The following DMD variants were observed in gnomAD, a reference collection of about 807,000 sequenced individuals.
The protein encoded by DMD is dystrophin.
A neutral mutation model predicts 330.1 loss-of-function variants in DMD; 63 were observed. That is an observed-to-expected ratio of 0.19 (90% CI 0.16 to 0.24). DMD has a LOEUF of 0.24. DMD is among the 10% of genes least tolerant of loss of function. The probability of loss-of-function intolerance (pLI) is 1.00; values close to 1 mark genes in which losing one functional copy is unlikely to be tolerated. For synonymous variants in DMD, 1,223 were observed against 959.8 expected (o/e 1.27, Z -5.07); for missense variants, 3,344 against 2,684.1 (o/e 1.25, Z -5.43).
rs1050273868 is a variant in DMD, at chrX:31,512,909, T to A, written c.8218-5456A>T. Among the ~76,000 whole-genome samples, 4 of 108,784 alleles carry A rather than the reference T, an allele frequency of 3.7e-5. No homozygotes were observed. The Admixed American group carries it at 4.0e-4, about 11-fold the overall frequency. The allele number at this position is 108,784 out of a possible 115,157, so 94.5% of individuals were successfully genotyped here. A position where few individuals can be genotyped will look rare whatever the true frequency, so the allele number is the denominator to read the frequency against. ...AGCTTGATGGGGATGGCATTGAATC[T>A]GTAAATCACCTTGGGCAGTATGGCC... On this transcript the variant is annotated intron_variant, in intron 55 of 78. Coordinates refer to ENST00000357033, the MANE Select transcript of DMD (RefSeq NM_004006.3).
At chrX:31,522,697 TG>T (rs1172015641) in intron 55 of DMD, among the ~76,000 whole-genome samples, 1 of 109,717 alleles carries the variant, frequency 9.1e-6, no homozygotes, top group East Asian at 2.9e-4. Context: ...GAGAAGAAGA[TG>T]GGGGTGATAA....
At chrX:31,499,197 T>C (rs775595444) in intron 56 of DMD, among the ~76,000 whole-genome samples, 97 of 111,438 alleles carry the variant, frequency 8.7e-4, no homozygotes, top group African/African-American at 2.4e-3. Flanking sequence ...CTAGGATACA[T>C]TGGGGAGTAG....
intron 44 of DMD, among the ~76,000 whole-genome samples, chrX:32,083,829 C>T (rs1323132034): frequency 8.9e-6 from 1 of 112,651 alleles, no homozygotes; most frequent in Admixed American, 9.4e-5. Flanking sequence ...CTGTTCTAGC[C>T]TGCTCTTCTG....
At chrX:31,622,846 TTATATA>T (rs757102035) in intron 55 of DMD, among the ~76,000 whole-genome samples, 5,309 of 74,106 alleles carry the variant, frequency 0.072, 241 homozygotes, top group Admixed American at 0.18. Flanking sequence ...CAGAAAAATT[TTATATA>T]TATATATATA....
In DMD at chrX:31,223,128, A is replaced by G; in HGVS notation, c.9287-7T>C. ...CTGACATTATTCAGGTCAGCTGAAA[A>G]GAGGGAAAACAAAGAGCATTTGTTA... On this transcript the variant is annotated splice_polypyrimidine_tract_variant and splice_region_variant and intron_variant, in intron 63 of 78. Coordinates refer to ENST00000357033, the MANE Select transcript of DMD (RefSeq NM_004006.3). The G allele has an allele frequency of 8.3e-7, 1 of 1,205,235 alleles. No individual in the cohort carries two copies. The highest frequency in any genetic ancestry group is 1.1e-6 in the Non-Finnish European group (1 of 889,454).
intron 2 of DMD, among the ~76,000 whole-genome samples, chrX:32,922,124 G>A (rs748161038): frequency 9.1e-6 from 1 of 110,291 alleles, no homozygotes; most frequent in East Asian, 2.9e-4. Flanking sequence ...CTCCCCCAAA[G>A]GACTGAAACT....
chrX:32,825,262 T>C (rs2078604896), intron 4 of DMD, among the ~76,000 whole-genome samples: 1 of 111,266 alleles, frequency 9.0e-6, no homozygotes, highest in Non-Finnish European at 1.9e-5. Context: ...GAGACTTAGA[T>C]CAAGTAATAG....
chrX:31,839,543 G>A (rs990162477), intron 48 of DMD, among the ~76,000 whole-genome samples: 1 of 111,739 alleles, frequency 8.9e-6, no homozygotes, highest in Non-Finnish European at 1.9e-5. Flanking sequence ...TGGATTTCCC[G>A]TAATGATTTT....
At chrX:31,957,486 G>A (rs1168573113) in intron 45 of DMD, among the ~76,000 whole-genome samples, 1 of 111,610 alleles carries the variant, frequency 9.0e-6, no homozygotes, top group Non-Finnish European at 1.9e-5. Context: ...ATTAACCGGG[G>A]CAAGATTCCT....
At chrX:32,828,808 T>C (rs1399402432) in intron 4 of DMD, among the ~76,000 whole-genome samples, 5 of 111,405 alleles carry the variant, frequency 4.5e-5, no homozygotes, top group African/African-American at 9.8e-5. Context: ...TGTTTTTGAT[T>C]CTTTTAGTTT....
rs773670790 is a variant in DMD at position 32,519,446 on chromosome X, A to C, written c.2169-1315T>G. Among the ~76,000 whole-genome samples the C allele has an allele frequency of 2.7e-5, 3 of 111,015 alleles. No individual in the cohort carries two copies. The South Asian group carries it at 1.1e-3, about 42-fold the overall frequency. On this transcript the variant is annotated intron_variant, in intron 17 of 78. Transcript: ENST00000357033. ...TGATCATCAGCCTACCCTATGCTTA[A>C]TTACTTCAACGGATATTCTATGGCT...
chrX:32,686,039 A>C (rs1229156239), intron 9 of DMD, among the ~76,000 whole-genome samples: 3 of 111,691 alleles, frequency 2.7e-5, no homozygotes, highest in Non-Finnish European at 5.6e-5. Context: ...TTGCTAGTAG[A>C]TTTGAGACCC....
intron 48 of DMD, among the ~76,000 whole-genome samples, chrX:31,856,723 G>A (rs1451581762): frequency 3.6e-5 from 4 of 112,314 alleles, no homozygotes; most frequent in African/African-American, 1.3e-4. Flanking sequence ...GTGTATGTAT[G>A]TATGTGTGTG....
chrX:32,156,667 C>CAT (rs2096831817), intron 44 of DMD, among the ~76,000 whole-genome samples: 1 of 109,209 alleles, frequency 9.2e-6, no homozygotes, highest in African/African-American at 3.4e-5. Flanking sequence ...CACACACACA[C>CAT]GCACGCAATT....
chrX:32,272,949 C>G (rs331346), intron 43 of DMD, among the ~76,000 whole-genome samples: 20,406 of 111,065 alleles, frequency 0.18, 1,515 homozygotes, highest in East Asian at 0.41. Flanking sequence ...AACTTAGGAT[C>G]CAACTTTAGT....
rs767698069 is a variant in DMD at position 32,565,875 on chromosome X, T to G, written c.1819A>C (p.Lys607Gln). 3.3e-6 allele frequency: 4 copies of G among 1,205,685 alleles called. No individual in the cohort carries two copies. In the Admixed American group the frequency reaches 8.7e-5, roughly 26 times the overall value. The change falls in exon 16 of 79, where the codon AAA becomes CAA. Residue 607 changes from lysine (K) to glutamine (Q), a missense_variant. Lys to Gln is a moderately conservative substitution (Grantham distance 53). Coordinates refer to ENST00000357033, the MANE Select transcript of DMD (RefSeq NM_004006.3). ...TGCTTTTTCTTTTCTAGATCCGCTT[T>G]TAAAACCTGTTAAAACAAGAAAGAT... ...LSSLQKLAVLKADLEKKKQSM... is the reference protein window; with the variant it reads ...LSSLQKLAVLQADLEKKKQSM...
intron 29 of DMD, among the ~76,000 whole-genome samples, chrX:32,428,570 T>A (rs1222023374): frequency 8.9e-6 from 1 of 111,896 alleles, no homozygotes; most frequent in Non-Finnish European, 1.9e-5. Flanking sequence ...ATTCTGTGGA[T>A]TTTTGCTTTA....
chrX:32,035,954 G>A (rs768036229), intron 44 of DMD, among the ~76,000 whole-genome samples: 4 of 111,780 alleles, frequency 3.6e-5, no homozygotes, highest in Non-Finnish European at 5.7e-5. Context: ...TAAGAGACTG[G>A]AGGAAGAAAC....
At chrX:32,527,477 A>G (rs3805064) in intron 17 of DMD, among the ~76,000 whole-genome samples, 1,383 of 110,325 alleles carry the variant, frequency 0.013, 26 homozygotes, top group Admixed American at 0.063. Context: ...TCAGTTCAAG[A>G]TGCACATCAT....
Sources: allele counts gnomAD v4.1 joint callset (sites outside exome capture counted in the v4.1 genomes callset), GRCh38; gene constraint gnomAD v4.1.1; transcripts MANE v1.5; gene names NCBI Gene and HGNC (gene_info 2026-07-23, HGNC 2026-07-21).